Variants in CDK6 observed in about 807,000 individuals in gnomAD.
CDK6 encodes cyclin-dependent kinase 6.
In CDK6, 6 loss-of-function variants were observed where a neutral mutation model predicts 37.1. That is an observed-to-expected ratio of 0.16 (90% CI 0.09 to 0.32). The LOEUF is 0.32. Among genes scored for constraint, CDK6 ranks in the 10% least tolerant of loss-of-function variants. CDK6 has a pLI of 1.00. For synonymous variants in CDK6, 160 were observed against 161.3 expected, an observed-to-expected ratio of 0.99 and a Z score of 0.06; for missense variants, 224 against 418.9, an observed-to-expected ratio of 0.53 and a Z score of 4.06.
intron 2 of CDK6, among the ~76,000 whole-genome samples, chr7:92,816,610 T>C (rs1801036487): frequency 6.6e-6 from 1 of 152,066 alleles, no homozygotes; most frequent in Non-Finnish European, 1.5e-5. Flanking sequence ...CCACAACATA[T>C]TCAAATTTGT....
At position 92,605,095 on chromosome 7, in the gene CDK6, G is replaced by C. The variant is rs191153663; in HGVS notation, c.*10045C>G. On this transcript the variant is annotated 3_prime_UTR_variant, in exon 8 of 8. Coordinates refer to ENST00000424848, the MANE Select transcript of CDK6 (RefSeq NM_001145306.2). ...ATTTTTATTGTAAGAAATACAAAAG[G>C]TATTACAAATATACAAACTATTTGC... The C allele has an allele frequency of 1.6e-4, 36 of 231,550 alleles. 1 individual carries two copies. In the East Asian group the frequency reaches 2.0e-3, roughly 13 times the overall value. 14.3% of individuals were successfully genotyped at this position (231,550 alleles called of 1,614,324 possible).
intron 4 of CDK6, among the ~76,000 whole-genome samples, chr7:92,713,322 A>G (rs1421303761): frequency 6.6e-6 from 1 of 152,214 alleles, no homozygotes; most frequent in East Asian, 1.9e-4. Context: ...TAATCTAGTA[A>G]ATCATATTTT....
chr7:92,739,458 A>C (rs1044641818), intron 3 of CDK6, among the ~76,000 whole-genome samples: 1 of 152,222 alleles, frequency 6.6e-6, no homozygotes, highest in African/African-American at 2.4e-5. Flanking sequence ...CTGTCCTTCC[A>C]TCTGTATTTC....
chr7:92,834,512 A>G lies in CDK6; in HGVS notation c.-367-822T>C, dbSNP rs1360572978. Among the ~76,000 whole-genome samples the G allele has an allele frequency of 6.6e-6, 1 of 151,382 alleles. No homozygotes were observed. The highest frequency in any genetic ancestry group is 1.5e-5 in the Non-Finnish European group (1 of 67,838). On this transcript the variant is annotated intron_variant, in intron 1 of 7. Transcript: ENST00000424848. This position sits in a 1 kb window ranked among gnomAD's most constrained non-coding sequence, Gnocchi z 4.6. Reference sequence around the variant, plus strand: ...CGAGCGGTCCTGGGGGAGGGGAGACACCGTCCCCCACGGGATCCCAAGGGT... The same window carrying G: ...CGAGCGGTCCTGGGGGAGGGGAGACGCCGTCCCCCACGGGATCCCAAGGGT...
intron 2 of CDK6, among the ~76,000 whole-genome samples, chr7:92,810,153 A>G (rs890785334): frequency 2.0e-5 from 3 of 152,196 alleles, no homozygotes; most frequent in African/African-American, 7.2e-5. Context: ...GTGTATATGT[A>G]TATCATTTAC....
At chr7:92,672,149 A>ATG (rs1258450782) in intron 4 of CDK6, among the ~76,000 whole-genome samples, 7 of 115,770 alleles carry the variant, frequency 6.0e-5, no homozygotes, top group Non-Finnish European at 1.2e-4. Flanking sequence ...ATATATATAT[A>ATG]TATATATATA....
intron 4 of CDK6, among the ~76,000 whole-genome samples, chr7:92,695,462 T>C (rs1355741097): frequency 6.6e-6 from 1 of 152,112 alleles, no homozygotes; most frequent in South Asian, 2.1e-4. Context: ...CTCTTCTGGG[T>C]TCTGATTAAG....
At chr7:92,778,464 C>T (rs1416025752) in intron 2 of CDK6, among the ~76,000 whole-genome samples, 2 of 152,162 alleles carry the variant, frequency 1.3e-5, no homozygotes, top group Non-Finnish European at 2.9e-5. Context: ...TTAAGTCTCA[C>T]ACTCTAAAAA....
intron 5 of CDK6, among the ~76,000 whole-genome samples, chr7:92,651,325 G>C (rs1375717872): frequency 6.6e-6 from 1 of 152,156 alleles, no homozygotes; most frequent in African/African-American, 2.4e-5. Flanking sequence ...CAAATTCATA[G>C]TGTTTAGGGT....
In CDK6 at chr7:92,636,186, C is replaced by G. The variant is rs151027081; in HGVS notation, c.648-13100G>C. Reference sequence around the variant, plus strand: ...TCACCCACCTCAGCCTCCTGAGTAGCTGGGACCACAGGGGCATGCCACCAC... The same window carrying G: ...TCACCCACCTCAGCCTCCTGAGTAGGTGGGACCACAGGGGCATGCCACCAC... On this transcript the variant is annotated intron_variant, in intron 5 of 7. Coordinates refer to ENST00000424848, the MANE Select transcript of CDK6 (RefSeq NM_001145306.2). Among the ~76,000 whole-genome samples, 675 of 152,182 alleles carry G rather than the reference C, an allele frequency of 4.4e-3. 7 individuals are homozygous for G. Among genetic ancestry groups the G allele is most frequent in the African/African-American group, 0.015 (642 of 41,510 alleles).
intron 2 of CDK6, among the ~76,000 whole-genome samples, chr7:92,795,611 A>G (rs770407470): frequency 3.3e-5 from 5 of 152,102 alleles, no homozygotes; most frequent in Non-Finnish European, 7.4e-5. Flanking sequence ...CTGTCCCAGT[A>G]TGGATTAAGG....
In CDK6 at chr7:92,671,422, T is replaced by C; in HGVS notation, c.647+4A>G. ...AGCAGAGTGAAACAAAATGTATTTC[T>C]TACTTTCTACGAAACATTTCTGCAA... On this transcript the variant is annotated splice_donor_region_variant and intron_variant, in intron 5 of 7. Coordinates refer to ENST00000424848, the MANE Select transcript of CDK6 (RefSeq NM_001145306.2). 4 of 1,526,444 alleles carry C rather than the reference T, an allele frequency of 2.6e-6. No individual in the cohort carries two copies. Among genetic ancestry groups the C allele is most frequent in the Non-Finnish European group, 3.5e-6 (4 of 1,131,062 alleles). The allele number at this position is 1,526,444 out of a possible 1,614,324, so 94.6% of individuals were successfully genotyped here.
At position 92,756,786 on chromosome 7, in the gene CDK6, A is replaced by G. The variant is rs117313089; in HGVS notation, c.369+17910T>C. On this transcript the variant is annotated intron_variant, in intron 3 of 7. Coordinates refer to ENST00000424848, the MANE Select transcript of CDK6 (RefSeq NM_001145306.2). ...CTTTCCAATAACAAATGGGATTAAC[A>G]AAATTCTCCATTTCAATTGGGCAAG... is the stretch of plus-strand genomic sequence containing the variant. Among the ~76,000 whole-genome samples, 311 of 152,308 alleles carry G rather than the reference A, an allele frequency of 2.0e-3. 9 individuals carry two copies. The East Asian group carries it at 0.052, about 25-fold the overall frequency.
At position 92,834,624 on chromosome 7, in the gene CDK6, CT is replaced by C. The variant is rs1801597448; in HGVS notation, c.-367-935del. On this transcript the variant is annotated intron_variant, in intron 1 of 7. Coordinates refer to ENST00000424848, the MANE Select transcript of CDK6 (RefSeq NM_001145306.2). The surrounding 1 kb of genome is among the most constrained non-coding windows in gnomAD (Gnocchi z 4.6). The stretch of plus-strand genomic sequence containing the variant: ...GGGGATAGCATAATCGCGCCTCGTC[CT>C]TAAGTTTTAAACTGATTTCGACCTG... Among the ~76,000 whole-genome samples, 1 of 147,622 alleles carries C rather than the reference CT, an allele frequency of 6.8e-6. No homozygotes were observed. Among genetic ancestry groups the C allele is most frequent in the Admixed American group, 6.9e-5 (1 of 14,424 alleles).
rs1008068381 is a variant in CDK6 at position 92,804,069 on chromosome 7, A to T, written c.233+29022T>A. On this transcript the variant is annotated intron_variant, in intron 2 of 7. Transcript: ENST00000424848. The stretch of plus-strand genomic sequence containing the variant: ...ACATTTTATAAATGGAGGCATGAAA[A>T]GAAAAATATAAAACATAATATACCA... Among the ~76,000 whole-genome samples the T allele has an allele frequency of 3.3e-5, 5 of 152,210 alleles. No homozygotes were observed. The South Asian group carries it at 1.0e-3, about 31-fold the overall frequency.
intron 2 of CDK6, among the ~76,000 whole-genome samples, chr7:92,813,808 G>C (rs144529864): frequency 6.6e-6 from 1 of 152,244 alleles, no homozygotes; most frequent in Non-Finnish European, 1.5e-5. Flanking sequence ...AGCAGCAATA[G>C]ATACCTTGAG....
At position 92,833,099 on chromosome 7, in the gene CDK6, G is replaced by T. The variant is rs867320200; in HGVS notation, c.225C>A (p.Asn75Lys). The change falls in exon 2 of 8, where the codon AAC (asparagine) becomes AAA (lysine). Residue 75 changes from asparagine (N) to lysine (K), a missense_variant. Physicochemically the swap from Asn to Lys is moderately conservative, Grantham distance 94. Transcript: ENST00000424848. The surrounding 1 kb of genome is among the most constrained non-coding windows in gnomAD (Gnocchi z 6.1). ...GCAGCTCCCTGGCTCACCTGACCAC[G>T]TTGGGGTGCTCGAAGGTCTCCAGGT... ...LRHLETFEHP[N>K]VVRLFDVCTV... The T allele has an allele frequency of 1.3e-6, 2 of 1,590,950 alleles. No individual in the cohort carries two copies. The highest frequency in any genetic ancestry group is 8.5e-7 in the Non-Finnish European group (1 of 1,169,806).
In CDK6 at chr7:92,833,370, G is replaced by A. The variant is rs766455736; in HGVS notation, c.-47C>T. ...GCGGCGCCGCTGGGGCGGGCGGGGG[G>A]TGCGCTCAACTAGCTGGCGGCCGCC... is the stretch of plus-strand genomic sequence containing the variant. On this transcript the variant is annotated 5_prime_UTR_variant, in exon 2 of 8. Coordinates refer to ENST00000424848, the MANE Select transcript of CDK6 (RefSeq NM_001145306.2). The surrounding 1 kb of genome is among the most constrained non-coding windows in gnomAD (Gnocchi z 6.1). 3 of 1,411,960 alleles carry A rather than the reference G, an allele frequency of 2.1e-6. No homozygotes were observed. The highest frequency in any genetic ancestry group is 2.9e-5 in the African/African-American group (2 of 68,684). The allele number at this position is 1,411,960 out of a possible 1,614,324, so 87.5% of individuals were successfully genotyped here.
chr7:92,693,157 CAG>C (rs1562937852), intron 4 of CDK6, among the ~76,000 whole-genome samples: 4 of 152,116 alleles, frequency 2.6e-5, no homozygotes, highest in African/African-American at 9.7e-5. Flanking sequence ...CTCTTTTTTG[CAG>C]GTTACTATTT....
Sources: gnomAD v4.1 joint callset for allele counts (sites outside exome capture counted in the v4.1 genomes callset) on GRCh38, gnomAD v4.1.1 for gene constraint, Gnocchi (gnomAD v3.1) non-coding constraint, MANE v1.5 for transcripts, NCBI Gene and HGNC (gene_info 2026-07-23, HGNC 2026-07-21) for gene names.